Variants in DNMBP observed in about 807,000 individuals in gnomAD.
DNMBP encodes dynamin-binding protein.
In DNMBP, 87 loss-of-function variants were observed where a neutral mutation model predicts 150.0. That is an observed-to-expected ratio of 0.58 (90% CI 0.49 to 0.69). DNMBP has a LOEUF of 0.69. Among genes scored for constraint, DNMBP ranks in the 30% least tolerant of loss-of-function variants. The pLI is 0.00. For missense variants in DNMBP, 1,774 were observed against 1,949.0 expected, an observed-to-expected ratio of 0.91 and a Z score of 1.69; for synonymous variants, 711 against 750.4, an observed-to-expected ratio of 0.95 and a Z score of 0.86.
At chr10:99,936,173 TTAGAG>T (rs971372092) in intron 4 of DNMBP, among the ~76,000 whole-genome samples, 11 of 152,192 alleles carry the variant, frequency 7.2e-5, no homozygotes, top group African/African-American at 2.4e-4. Flanking sequence ...GATGATAAAA[TTAGAG>T]TAATTTTTTC....
rs747295972 is a variant in DNMBP at position 99,955,949 on chromosome 10, G to A, written c.1525C>T (p.His509Tyr). The A allele has an allele frequency of 6.2e-7, 1 of 1,614,212 alleles. No individual in the cohort carries two copies. Among genetic ancestry groups the A allele is most frequent in the Non-Finnish European group, 8.5e-7 (1 of 1,180,044 alleles). ...ATGGAGTAAACACTGGACGTGTGGT[G>A]CTTTTTAGTATAACTTGCTAGGTTG... ...LHNLASYTKK[H>Y]HTSSVYSISE... Residue 509 changes from histidine (H) to tyrosine (Y), a missense_variant, in exon 4 of 17, where the codon CAC (histidine) becomes TAC (tyrosine). This residue lies in a region of DNMBP where 1,430 missense variants were observed against 1,492.5 expected (regional missense o/e 0.96). Coordinates refer to ENST00000324109, the MANE Select transcript of DNMBP (RefSeq NM_015221.4).
intron 3 of DNMBP, chr10:99,958,433 A>C (rs187213736): frequency 6.6e-6 from 1 of 152,234 alleles, no homozygotes; most frequent in African/African-American, 2.4e-5. Flanking sequence ...TTATTTTCAC[A>C]TAACACCATT....
chr10:99,888,998 T>G (rs1165379337), intron 11 of DNMBP, 45 bp from the exon 12 acceptor site: 2 of 1,605,502 alleles, frequency 1.2e-6, no homozygotes, highest in Non-Finnish European at 8.5e-7. Flanking sequence ...GACAGAACTT[T>G]CCAGCTTTTG....
chr10:99,918,792 G>C (rs1173467992), intron 4 of DNMBP, among the ~76,000 whole-genome samples: 2 of 152,176 alleles, frequency 1.3e-5, no homozygotes, highest in East Asian at 3.9e-4. Context: ...TTATGCTGCA[G>C]GATAGTGAGT....
In DNMBP at chr10:99,884,167, G is replaced by T. The variant is rs777532425; in HGVS notation, c.3841C>A (p.Leu1281Met). The T allele has an allele frequency of 5.5e-5, 89 of 1,613,858 alleles. 1 individual carries two copies. In the South Asian group the frequency reaches 9.7e-4, roughly 18 times the overall value. Residue 1281 changes from leucine (L) to methionine (M), a missense_variant, in exon 15 of 17, where the codon CTG (leucine) becomes ATG (methionine). Coordinates refer to ENST00000324109, the MANE Select transcript of DNMBP (RefSeq NM_015221.4). The stretch of plus-strand genomic sequence containing the variant: ...AGTTTTTCAGGGGGATACCTGGCCA[G>T]GAGGGAGGCCCGGAGTTCTTCTGAC... ...LQSEELRASL[L>M]ARYPPEKLFQ... is the part of the protein sequence containing the mutation.
At chr10:99,974,349 AC>A (rs991066935) in intron 1 of DNMBP, among the ~76,000 whole-genome samples, 1 of 152,186 alleles carries the variant, frequency 6.6e-6, no homozygotes, top group African/African-American at 2.4e-5. Context: ...TGGCTGGGGA[AC>A]CTACGTATGT....
At chr10:99,890,812 A>G (rs901500165) in intron 11 of DNMBP, among the ~76,000 whole-genome samples, 2 of 152,080 alleles carry the variant, frequency 1.3e-5, no homozygotes, top group South Asian at 4.1e-4. Flanking sequence ...ATGCCCAGCT[A>G]ATTTTTGTAG....
At chr10:99,978,397 T>C (rs1714144013) in intron 1 of DNMBP, among the ~76,000 whole-genome samples, 1 of 152,236 alleles carries the variant, frequency 6.6e-6, no homozygotes, top group Non-Finnish European at 1.5e-5. Context: ...AACATCTTAC[T>C]GCAGTTACTT....
At chr10:99,891,919 G>A (rs1440401599) in intron 11 of DNMBP, among the ~76,000 whole-genome samples, 2 of 147,886 alleles carry the variant, frequency 1.4e-5, no homozygotes, top group African/African-American at 5.1e-5. Flanking sequence ...AGGGAGGTGG[G>A]GGGGTCAGCC....
intron 4 of DNMBP, among the ~76,000 whole-genome samples, chr10:99,946,086 A>G (rs1342152247): frequency 6.6e-6 from 1 of 152,260 alleles, no homozygotes; most frequent in Non-Finnish European, 1.5e-5. Context: ...TCTCCCAAGT[A>G]GCTGAGATTA....
rs1403022816 is a variant in DNMBP, at chr10:99,969,101, G to C, written c.268+14C>G. 6.2e-7 allele frequency: 1 copy of C among 1,613,540 alleles called. No homozygotes were observed. The highest frequency in any genetic ancestry group is 2.2e-5 in the East Asian group (1 of 44,864). Reference sequence around the variant, plus strand: ...TCTAATTTCAAATAGTCTACTATTTGATGAGCAGCTTACCTCGATGGAGGG... The same window carrying C: ...TCTAATTTCAAATAGTCTACTATTTCATGAGCAGCTTACCTCGATGGAGGG... On this transcript the variant is annotated intron_variant, in intron 3 of 16. Coordinates refer to ENST00000324109, the MANE Select transcript of DNMBP (RefSeq NM_015221.4).
intron 1 of DNMBP, among the ~76,000 whole-genome samples, chr10:99,975,085 C>A (rs1371084597): frequency 6.6e-6 from 1 of 152,154 alleles, no homozygotes; most frequent in Non-Finnish European, 1.5e-5. Flanking sequence ...TCCAGCCAGG[C>A]ACGGTGGCTC....
chr10:100,006,367 C>T (rs1260417246), intron 1 of DNMBP, among the ~76,000 whole-genome samples: 1 of 152,154 alleles, frequency 6.6e-6, no homozygotes, highest in Admixed American at 6.5e-5. Flanking sequence ...CCCTGCACTA[C>T]TTGAAAACTT....
intron 3 of DNMBP, among the ~76,000 whole-genome samples, chr10:99,962,095 A>G (rs1369900939): frequency 6.6e-6 from 1 of 152,014 alleles, no homozygotes; most frequent in African/African-American, 2.4e-5. Flanking sequence ...GCTCACATTC[A>G]TCTTGGCTGT....
chr10:99,978,445 TTG>T (rs2040750845), intron 1 of DNMBP, among the ~76,000 whole-genome samples: 1 of 152,216 alleles, frequency 6.6e-6, no homozygotes, highest in African/African-American at 2.4e-5. Context: ...GTTTATCAAT[TTG>T]TGTTATTTTT....
chr10:99,888,963 G>A lies in DNMBP; in HGVS notation c.3157-10C>T. 1 of 1,614,006 alleles carries A rather than the reference G, an allele frequency of 6.2e-7. No homozygotes were observed. The highest frequency in any genetic ancestry group is 8.5e-7 in the Non-Finnish European group (1 of 1,179,952). ...TCACACATGCGGACTCCTGGAGCCA[G>A]TTAGGACAGACACAAGTCAGAACAG... On this transcript the variant is annotated splice_polypyrimidine_tract_variant and intron_variant, in intron 11 of 16. Coordinates refer to ENST00000324109, the MANE Select transcript of DNMBP (RefSeq NM_015221.4).
Position 99,972,036 on chromosome 10 carries a change from T to C in DNMBP, c.89A>G (p.Glu30Gly). 1 of 1,613,948 alleles carries C rather than the reference T, an allele frequency of 6.2e-7. No homozygotes were observed. The highest frequency in any genetic ancestry group is 8.5e-7 in the Non-Finnish European group (1 of 1,179,986). ...ELPLFVGDIIEVLAVVDEFWL... is the reference protein window; with the variant it reads ...ELPLFVGDIIGVLAVVDEFWL... ...AAATTCATCCACCACTGCCAGCACC[T>C]CAATAATATCTCCCACAAAGAGCGG... is the stretch of plus-strand genomic sequence containing the variant. Residue 30 changes from glutamate to glycine, a missense_variant, in exon 2 of 17, where the codon GAG becomes GGG. Physicochemically the swap from Glu to Gly is moderately conservative, Grantham distance 98. Coordinates refer to ENST00000324109, the MANE Select transcript of DNMBP (RefSeq NM_015221.4).
At chr10:99,995,422 T>C (rs2040941012) in intron 1 of DNMBP, among the ~76,000 whole-genome samples, 1 of 152,100 alleles carries the variant, frequency 6.6e-6, no homozygotes, top group African/African-American at 2.4e-5. Context: ...GCAGGAAGTG[T>C]CTAAAACTTG....
chr10:99,896,983 A>T (rs1245897318), intron 9 of DNMBP, among the ~76,000 whole-genome samples: 1 of 152,208 alleles, frequency 6.6e-6, no homozygotes, highest in Non-Finnish European at 1.5e-5. Context: ...GGAGATTTGA[A>T]CCAAGGGAAA....
Sources: gnomAD v4.1 joint callset for allele counts (sites outside exome capture counted in the v4.1 genomes callset) on GRCh38, gnomAD v4.1.1 for gene constraint, gnomAD v4.1.1 regional missense constraint, MANE v1.5 for transcripts, NCBI Gene and HGNC (gene_info 2026-07-23, HGNC 2026-07-21) for gene names.